The following PPM1D variants were observed in gnomAD, a reference collection of about 807,000 sequenced individuals.
PPM1D encodes protein phosphatase 1D.
A neutral mutation model predicts 58.3 loss-of-function variants in PPM1D; 52 were observed. The observed-to-expected ratio is 0.89, with a 90% CI of 0.71 to 1.12. The LOEUF is 1.12. Among genes scored for constraint, PPM1D ranks in the 50% most tolerant of loss-of-function variants. The pLI is 0.00. For synonymous variants in PPM1D, 278 were observed against 285.1 expected (o/e 0.98, Z 0.25); for missense variants, 564 against 777.2 (o/e 0.73, Z 3.26).
chr17:60,604,735 A>G (rs2143617145), intron 1 of PPM1D: 1 of 152,344 alleles, frequency 6.6e-6, no homozygotes, highest in African/African-American at 2.4e-5. Context: ...CAGCCTGGGC[A>G]ACAGAAGAAA....
At chr17:60,658,980 T>TTATTATTAGG (rs200164195) in intron 5 of PPM1D, among the ~76,000 whole-genome samples, 1,831 of 152,132 alleles carry the variant, frequency 0.012, 19 homozygotes, top group South Asian at 0.018. Flanking sequence ...ATAATAATAA[T>TTATTATTAGG]TCTGATAATG....
chr17:60,600,964 C>A, intron 1 of PPM1D, 78 bp downstream of exon 1: 1 of 1,576,806 alleles, frequency 6.3e-7, no homozygotes, highest in South Asian at 1.1e-5. Flanking sequence ...CCCGCGTGGG[C>A]CCCCGGCACC....
At chr17:60,658,368 G>T (rs577077369) in intron 5 of PPM1D, among the ~76,000 whole-genome samples, 2 of 152,292 alleles carry the variant, frequency 1.3e-5, no homozygotes, top group Non-Finnish European at 2.9e-5. Context: ...AATTACTTAA[G>T]CTGGGCACAG....
rs575400732 is a variant in PPM1D, at chr17:60,606,909, G to C, written c.472+6023G>C. On this transcript the variant is annotated intron_variant, in intron 1 of 5. Coordinates refer to ENST00000305921, the MANE Select transcript of PPM1D (RefSeq NM_003620.4). ...CTTCCTTGGCTCAAGGGATCCTCCT[G>C]CCTCAGCCTCTGAAGTAGCTGAGAC... is the stretch of plus-strand genomic sequence containing the variant. 1.0e-3 allele frequency among the ~76,000 whole-genome samples: 158 copies of C among 152,134 alleles called. No homozygotes were observed. The Middle Eastern group carries it at 0.021, about 20-fold the overall frequency.
intron 3 of PPM1D, among the ~76,000 whole-genome samples, chr17:60,645,510 G>A (rs12944268): frequency 7.8e-5 from 10 of 128,712 alleles, no homozygotes; most frequent in African/African-American, 2.1e-4. Context: ...ATATATATAT[G>A]TGTATATATA....
chr17:60,623,668 T>C lies in PPM1D; in HGVS notation c.620T>C (p.Phe207Ser). The C allele has an allele frequency of 6.2e-7, 1 of 1,614,178 alleles. No individual in the cohort carries two copies. The change falls in exon 2 of 6, where the codon TTT becomes TCT. Residue 207 changes from phenylalanine to serine, a missense_variant. Physicochemically the swap from Phe to Ser is radical, Grantham distance 155. Coordinates refer to ENST00000305921, the MANE Select transcript of PPM1D (RefSeq NM_003620.4). ...ATTCAGGATGACCCGAAGGATGACT[T>C]TGTCAGAGCTGTGGAGGTGACACAG... ...LGIQDDPKDD[F>S]VRAVEVTQDH...
intron 2 of PPM1D, among the ~76,000 whole-genome samples, chr17:60,631,299 A>G (rs1479050228): frequency 6.6e-6 from 1 of 151,958 alleles, no homozygotes; most frequent in African/African-American, 2.4e-5. Flanking sequence ...CAGCCTGGGC[A>G]ACAGAACGAC....
At chr17:60,639,722 G>A (rs2143686763) in intron 3 of PPM1D, among the ~76,000 whole-genome samples, 1 of 152,332 alleles carries the variant, frequency 6.6e-6, no homozygotes, top group Non-Finnish European at 1.5e-5. Flanking sequence ...ACAGGCGTGA[G>A]CCACCACACC....
rs757716295 is a variant in PPM1D, at chr17:60,666,228, G to C, written c.*2676G>C. On this transcript the variant is annotated 3_prime_UTR_variant, in exon 6 of 6. Coordinates refer to ENST00000305921, the MANE Select transcript of PPM1D (RefSeq NM_003620.4). The stretch of plus-strand genomic sequence containing the variant: ...AGACATCTGGAAGATTGCTCTAGTG[G>C]AGTAAAACATCTTAATGTATTTTGT... 1 of 152,048 alleles carries C rather than the reference G, an allele frequency of 6.6e-6. No homozygotes were observed. Among genetic ancestry groups the C allele is most frequent in the Non-Finnish European group, 1.5e-5 (1 of 68,016 alleles). 9.4% of individuals were successfully genotyped at this position (152,048 alleles called of 1,614,324 possible). A position where few individuals can be genotyped will look rare whatever the true frequency, so the allele number is the denominator to read the frequency against.
chr17:60,626,150 G>T (rs2030803140), intron 2 of PPM1D, among the ~76,000 whole-genome samples: 1 of 151,996 alleles, frequency 6.6e-6, no homozygotes, highest in African/African-American at 2.4e-5. Flanking sequence ...TGAAAAATCT[G>T]CACATATGTG....
chr17:60,652,354 T>A (rs1202546675), intron 4 of PPM1D, among the ~76,000 whole-genome samples: 2 of 152,036 alleles, frequency 1.3e-5, no homozygotes, highest in Non-Finnish European at 1.5e-5. Flanking sequence ...TCATTGTGTA[T>A]GTGTATATAC....
chr17:60,609,024 G>A (rs1045295602), intron 1 of PPM1D, among the ~76,000 whole-genome samples: 1 of 151,998 alleles, frequency 6.6e-6, no homozygotes, highest in Admixed American at 6.6e-5. Flanking sequence ...TGGGATTACA[G>A]GCGTGAGCCA....
chr17:60,656,487 G>T (rs2143718861), intron 4 of PPM1D, 112 bp from the exon 5 acceptor site: 3 of 1,371,814 alleles, frequency 2.2e-6, no homozygotes, highest in Non-Finnish European at 2.9e-6. Context: ...AAAAAAAATT[G>T]GGAGCTTTGT....
In PPM1D at chr17:60,663,315, AAG is replaced by A. The variant is rs755254197; in HGVS notation, c.1583_1584del (p.Arg528AsnfsTer7). The A allele has an allele frequency of 6.2e-7, 1 of 1,614,096 alleles. No individual in the cohort carries two copies. Among genetic ancestry groups the A allele is most frequent in the Non-Finnish European group, 8.5e-7 (1 of 1,180,040 alleles). ...PGQMKAQEIE[R>X]TPPTNFKRTL... ...GCCAAATGAAAGCCCAAGAAATTGA[AAG>A]AACCCCTCCAACAAACTTTAAAAGG... On this transcript the variant is annotated frameshift_variant, in exon 6 of 6. Coordinates refer to ENST00000305921, the MANE Select transcript of PPM1D (RefSeq NM_003620.4). LOFTEE classifies it high-confidence loss of function.
chr17:60,664,327 G>A lies in PPM1D; in HGVS notation c.*775G>A, dbSNP rs146919769. 2.6e-5 allele frequency: 4 copies of A among 152,660 alleles called. No homozygotes were observed. The East Asian group carries it at 7.7e-4, about 29-fold the overall frequency. The allele number at this position is 152,660 out of a possible 1,614,324, so 9.5% of individuals were successfully genotyped here. A position where few individuals can be genotyped will look rare whatever the true frequency, so the allele number is the denominator to read the frequency against. On this transcript the variant is annotated 3_prime_UTR_variant, in exon 6 of 6. Coordinates refer to ENST00000305921, the MANE Select transcript of PPM1D (RefSeq NM_003620.4). ...GTCTTAAAGTAGTTACTCCCTTCTC[G>A]TGTTTGCTTAAAATATGTGAAGTTT...
intron 1 of PPM1D, among the ~76,000 whole-genome samples, chr17:60,613,622 G>A (rs1349400479): frequency 6.6e-6 from 1 of 152,240 alleles, no homozygotes; most frequent in Non-Finnish European, 1.5e-5. Flanking sequence ...AGGGAGAGGC[G>A]CGGGTGGGAA....
chr17:60,637,709 G>A (rs1045294783), intron 3 of PPM1D, among the ~76,000 whole-genome samples: 2 of 152,086 alleles, frequency 1.3e-5, no homozygotes, highest in Non-Finnish European at 2.9e-5. Context: ...AGGTCTAGTG[G>A]CTGAGCCCTG....
At chr17:60,635,688 C>T (rs1332054600) in intron 3 of PPM1D, among the ~76,000 whole-genome samples, 2 of 152,174 alleles carry the variant, frequency 1.3e-5, no homozygotes, top group East Asian at 3.8e-4. Context: ...TGAGGACCCA[C>T]CCTGCTGCCC....
At chr17:60,603,358 A>G (rs529484959) in intron 1 of PPM1D, among the ~76,000 whole-genome samples, 4 of 151,762 alleles carry the variant, frequency 2.6e-5, no homozygotes, top group African/African-American at 7.3e-5. Context: ...AAACAAACTT[A>G]TATGTTTATA....
Sources: allele counts gnomAD v4.1 joint callset (sites outside exome capture counted in the v4.1 genomes callset), GRCh38; gene constraint gnomAD v4.1.1; transcripts MANE v1.5; gene names NCBI Gene and HGNC (gene_info 2026-07-23, HGNC 2026-07-21).